DAB1: variants seen among roughly 807,000 people sequenced by gnomAD.
DAB1 encodes DAB adaptor protein 1.
Under a neutral mutation model 64.6 loss-of-function variants are expected in DAB1, and 15 were observed. The observed-to-expected ratio is 0.23, with a 90% CI of 0.16 to 0.36. The LOEUF is 0.36. Among genes scored for constraint, DAB1 ranks in the 10% least tolerant of loss-of-function variants. The pLI, the probability that DAB1 is intolerant of heterozygous loss-of-function variation, is 1.00. For synonymous variants in DAB1, 235 were observed against 251.9 expected (o/e 0.93, Z 0.64); for missense variants, 596 against 706.7 (o/e 0.84, Z 1.78).
At chr1:58,426,915 G>T (rs1313072494) in intron 3 of DAB1, among the ~76,000 whole-genome samples, 2 of 152,206 alleles carry the variant, frequency 1.3e-5, no homozygotes, top group Non-Finnish European at 2.9e-5. Flanking sequence ...TTTTTAAAAG[G>T]GTTGCTAGGA....
rs551349632 is a variant in DAB1, at chr1:57,129,931, T to C, written c.306+6612A>G. ...TTCTGTGTTTCATTCTATCCATCCC[T>C]GAATGCCTTCCCTTTTACCTTCAGT... On this transcript the variant is annotated intron_variant, in intron 4 of 14. Transcript: ENST00000371236. Among the ~76,000 whole-genome samples the C allele has an allele frequency of 4.6e-5, 7 of 152,182 alleles. No individual in the cohort carries two copies. In the South Asian group the frequency reaches 6.2e-4, roughly 14 times the overall value.
At chr1:57,267,322 C>G (rs1009247293) in intron 2 of DAB1, among the ~76,000 whole-genome samples, 1 of 151,928 alleles carries the variant, frequency 6.6e-6, no homozygotes, top group Non-Finnish European at 1.5e-5. Context: ...CTCCAGAACG[C>G]TGAGAAAGTA....
chr1:58,474,201 T>C (rs1645395726), intron 3 of DAB1, among the ~76,000 whole-genome samples: 2 of 152,092 alleles, frequency 1.3e-5, no homozygotes, highest in Admixed American at 6.6e-5. Context: ...GGTGCAGTAA[T>C]AGAGCTCTTT....
chr1:58,317,267 C>A (rs1284146778), intron 4 of DAB1, among the ~76,000 whole-genome samples: 1 of 152,240 alleles, frequency 6.6e-6, no homozygotes, highest in African/African-American at 2.4e-5. Context: ...TCCCTAATGT[C>A]CATAATGCCC....
chr1:57,622,040 G>A (rs1442825780), intron 7 of DAB1, among the ~76,000 whole-genome samples: 1 of 152,234 alleles, frequency 6.6e-6, no homozygotes, highest in Non-Finnish European at 1.5e-5. Context: ...AACAGGAGAG[G>A]TGGGAGGGCA....
At chr1:57,422,375 C>CTG (rs1684984469) in intron 1 of DAB1, among the ~76,000 whole-genome samples, 1 of 152,130 alleles carries the variant, frequency 6.6e-6, no homozygotes, top group South Asian at 2.1e-4. Flanking sequence ...GGCTCGCCCC[C>CTG]GGGCTCGCCC....
rs771494901 is a variant in DAB1 at position 56,997,654 on chromosome 1, G to A, written c.*490C>T. On this transcript the variant is annotated 3_prime_UTR_variant, in exon 15 of 15. Coordinates refer to ENST00000371236, the MANE Select transcript of DAB1 (RefSeq NM_001365792.1). ...CTATGTGAAAAGGCATATGGATGAC[G>A]ATATTGTGGTCACAGAAGACCCTTT... The A allele has an allele frequency of 5.3e-5, 8 of 152,188 alleles. No homozygotes were observed. Among genetic ancestry groups the A allele is most frequent in the Non-Finnish European group, 1.0e-4 (7 of 68,044 alleles). The allele number at this position is 152,188 out of a possible 1,614,324, so 9.4% of individuals were successfully genotyped here.
chr1:57,513,942 T>C (rs1644434565), intron 7 of DAB1, among the ~76,000 whole-genome samples: 1 of 152,216 alleles, frequency 6.6e-6, no homozygotes, highest in Non-Finnish European at 1.5e-5. Context: ...AGTGAGATCA[T>C]GTGTGTTTGT....
At chr1:57,501,505 G>A (rs965608886) in intron 7 of DAB1, among the ~76,000 whole-genome samples, 2 of 152,170 alleles carry the variant, frequency 1.3e-5, no homozygotes, top group Admixed American at 1.3e-4. Flanking sequence ...TACACCCAAA[G>A]GATTAGATAG....
At chr1:58,255,426 T>TTCTC (rs66613225) in intron 4 of DAB1, among the ~76,000 whole-genome samples, 14 of 149,196 alleles carry the variant, frequency 9.4e-5, no homozygotes, top group South Asian at 2.2e-4. Flanking sequence ...TGCTTGTTCA[T>TTCTC]TCTCTCTCTC....
intron 1 of DAB1, among the ~76,000 whole-genome samples, chr1:57,841,412 C>A (rs1324076812): frequency 1.3e-5 from 2 of 152,204 alleles, no homozygotes; most frequent in Non-Finnish European, 2.9e-5. Flanking sequence ...TAGGCAGTGC[C>A]CCAGTGAGGA....
In DAB1 at chr1:57,411,603, A is replaced by T. The variant is rs579188; in HGVS notation, c.-137+12327T>A. On this transcript the variant is annotated intron_variant, in intron 1 of 14. Coordinates refer to ENST00000371236, the MANE Select transcript of DAB1 (RefSeq NM_001365792.1). ...TCCTTTGCAGATCCCTTCTCTCTCC[A>T]TAGGAAACCCAGAGATGTCTTTCAA... 1.2e-3 allele frequency among the ~76,000 whole-genome samples: 180 copies of T among 152,324 alleles called. 2 individuals are homozygous for T. The highest frequency in any genetic ancestry group is 3.8e-3 in the African/African-American group (159 of 41,566).
At chr1:57,609,104 C>T (rs978486592) in intron 7 of DAB1, among the ~76,000 whole-genome samples, 20 of 152,292 alleles carry the variant, frequency 1.3e-4, no homozygotes, top group African/African-American at 4.8e-4. Flanking sequence ...CTTTTGTTCT[C>T]AGCATGGCCC....
At chr1:57,704,983 A>G (rs1325288668) in intron 6 of DAB1, among the ~76,000 whole-genome samples, 1 of 151,552 alleles carries the variant, frequency 6.6e-6, no homozygotes, top group African/African-American at 2.4e-5. Flanking sequence ...TTCTATAGAC[A>G]GGATTAAAAG....
intron 5 of DAB1, among the ~76,000 whole-genome samples, chr1:58,022,525 C>T (rs903022790): frequency 2.0e-5 from 3 of 152,236 alleles, no homozygotes; most frequent in Middle Eastern, 6.8e-3. Context: ...GAGGATGAGA[C>T]TAAATGACCT....
chr1:57,197,478 A>G (rs1055316712), intron 2 of DAB1, among the ~76,000 whole-genome samples: 5 of 152,204 alleles, frequency 3.3e-5, no homozygotes, highest in Non-Finnish European at 5.9e-5. Flanking sequence ...AGCACTTTAT[A>G]TATTTTCTTT....
chr1:57,578,674 C>T (rs1158944266), intron 7 of DAB1, among the ~76,000 whole-genome samples: 1 of 152,134 alleles, frequency 6.6e-6, no homozygotes, highest in African/African-American at 2.4e-5. Flanking sequence ...TCGTGTTTGC[C>T]AATGGGAGGA....
At position 57,669,617 on chromosome 1, in the gene DAB1, C is replaced by T. The variant is rs570391706; in HGVS notation, n.552-19952G>A. On this transcript the variant is annotated intron_variant and non_coding_transcript_variant, in intron 6 of 20. Coordinates refer to the DAB1 transcript ENST00000485760. ...GCACTGTATACTAGCAGCTGTCTGACGCAATAAACCAAGAATCAGATTTTC... is the reference window on the plus strand; with the variant it reads ...GCACTGTATACTAGCAGCTGTCTGATGCAATAAACCAAGAATCAGATTTTC... Among the ~76,000 whole-genome samples, 44 of 152,160 alleles carry T rather than the reference C, an allele frequency of 2.9e-4. No individual in the cohort carries two copies. In the South Asian group the frequency reaches 4.4e-3, roughly 15 times the overall value.
In DAB1 at chr1:57,439,418, G is replaced by GTTTTTTTTTTTTTTTTTTTTTTTT; in HGVS notation, n.626-148253_626-148252insAAAAAAAAAAAAAAAAAAAAAAAA. On this transcript the variant is annotated intron_variant and non_coding_transcript_variant, in intron 7 of 20. Coordinates refer to the DAB1 transcript ENST00000485760. ...GCCATGCCATCAACTTGGTGATGAG[G>GTTTTTTTTTTTTTTTTTTTTTTTT]TTTTTTCTTTTTTTTTTTTTTTTTT... 5.2e-4 allele frequency among the ~76,000 whole-genome samples: 60 copies of GTTTTTTTTTTTTTTTTTTTTTTTT among 116,112 alleles called. 6 individuals are homozygous for GTTTTTTTTTTTTTTTTTTTTTTTT. The highest frequency in any genetic ancestry group is 1.7e-3 in the African/African-American group (47 of 28,266). The allele number at this position is 116,112 out of a possible 152,430, so 76.2% of individuals were successfully genotyped here. A position where few individuals can be genotyped will look rare whatever the true frequency, so the allele number is the denominator to read the frequency against.
Sources: allele counts gnomAD v4.1 joint callset (sites outside exome capture counted in the v4.1 genomes callset), GRCh38; gene constraint gnomAD v4.1.1; transcripts MANE v1.5; gene names NCBI Gene and HGNC (gene_info 2026-07-23, HGNC 2026-07-21).